The following HEATR5B variants were observed in gnomAD, a reference collection of about 807,000 sequenced individuals.
The protein encoded by HEATR5B is HEAT repeat-containing protein 5B.
Under a neutral mutation model 224.1 loss-of-function variants are expected in HEATR5B, and 156 were observed. The ratio of observed to expected loss-of-function variants is 0.70; its 90% CI spans 0.61 to 0.80. The LOEUF is 0.80. HEATR5B is among the 30% of genes least tolerant of loss of function. HEATR5B has a pLI of 0.00. For synonymous variants in HEATR5B, 1,027 were observed against 893.0 expected, an observed-to-expected ratio of 1.15 and a Z score of -2.68; for missense variants, 2,323 against 2,535.5, an observed-to-expected ratio of 0.92 and a Z score of 1.80.
chr2:37,032,814 G>C, intron 21 of HEATR5B, 41 bp from the exon 22 acceptor site: 2 of 1,563,876 alleles, frequency 1.3e-6, no homozygotes, highest in Non-Finnish European at 8.7e-7. Flanking sequence ...TCTTTAAAAA[G>C]CTGTAATTCT....
intron 20 of HEATR5B, among the ~76,000 whole-genome samples, chr2:37,039,797 G>A (rs1057515026): frequency 3.3e-5 from 5 of 152,110 alleles, no homozygotes; most frequent in Non-Finnish European, 7.4e-5. Flanking sequence ...TACAAACATA[G>A]GCTTTAGGAT....
intron 35 of HEATR5B, among the ~76,000 whole-genome samples, chr2:36,982,047 G>T (rs1342348416): frequency 6.7e-6 from 1 of 150,104 alleles, no homozygotes; most frequent in African/African-American, 2.4e-5. Context: ...AGGGCCAAAG[G>T]TTAAAAAGTA....
chr2:37,017,895 A>C (rs1185495268), intron 26 of HEATR5B, among the ~76,000 whole-genome samples: 2 of 152,156 alleles, frequency 1.3e-5, no homozygotes, highest in African/African-American at 4.8e-5. Flanking sequence ...CATTATGTTC[A>C]TGATCTGACC....
intron 35 of HEATR5B, among the ~76,000 whole-genome samples, chr2:36,988,312 G>A (rs981173071): frequency 2.0e-5 from 3 of 151,822 alleles, no homozygotes; most frequent in Non-Finnish European, 2.9e-5. Flanking sequence ...TGCCAGGCTG[G>A]AGTGCGCTGG....
At chr2:37,040,198 G>A in intron 20 of HEATR5B, 131 bp downstream of exon 20, 2 of 704,734 alleles carry the variant, frequency 2.8e-6, no homozygotes, top group Admixed American at 6.7e-5. Context: ...CAGGCTTTCA[G>A]TAAATCCAAG....
chr2:37,052,091 G>A lies in HEATR5B; in HGVS notation c.2505+1411C>T, dbSNP rs376768079. ...CCTATATATATCCTTTTTCCCTGATGTTTACAAAATATGACTTAAGCATGA... is the reference window on the plus strand; with the variant it reads ...CCTATATATATCCTTTTTCCCTGATATTTACAAAATATGACTTAAGCATGA... On this transcript the variant is annotated intron_variant, in intron 17 of 35. Coordinates refer to ENST00000233099, the MANE Select transcript of HEATR5B (RefSeq NM_019024.3). 8.5e-5 allele frequency among the ~76,000 whole-genome samples: 13 copies of A among 152,250 alleles called. No homozygotes were observed. In the South Asian group the frequency reaches 2.7e-3, roughly 32 times the overall value.
At chr2:37,063,299 C>CTT (rs1299648985) in intron 10 of HEATR5B, among the ~76,000 whole-genome samples, 1 of 151,914 alleles carries the variant, frequency 6.6e-6, no homozygotes, top group Admixed American at 6.6e-5. Flanking sequence ...AGATGAAACT[C>CTT]TAAGAGGTTA....
intron 22 of HEATR5B, among the ~76,000 whole-genome samples, chr2:37,029,210 A>T (rs904596501): frequency 6.6e-6 from 1 of 152,252 alleles, no homozygotes; most frequent in African/African-American, 2.4e-5. Flanking sequence ...TGTGGGACAG[A>T]GATATACTGC....
intron 35 of HEATR5B, among the ~76,000 whole-genome samples, chr2:36,982,960 G>GT (rs1377634949): frequency 4.0e-5 from 6 of 149,878 alleles, no homozygotes; most frequent in Non-Finnish European, 5.9e-5. Flanking sequence ...TACCAGAAAT[G>GT]TAAGCTCCAT....
At chr2:37,006,820 GA>G (rs1451336950) in intron 29 of HEATR5B, among the ~76,000 whole-genome samples, 1 of 152,060 alleles carries the variant, frequency 6.6e-6, no homozygotes, top group East Asian at 1.9e-4. Context: ...AAAATTGTTC[GA>G]TATTGCTGTG....
Position 37,064,846 on chromosome 2 carries a change from T to C in HEATR5B, c.1478A>G (p.Asn493Ser), listed in dbSNP as rs1384525651. 3 of 1,614,018 alleles carry C rather than the reference T, an allele frequency of 1.9e-6. No individual in the cohort carries two copies. Among genetic ancestry groups the C allele is most frequent in the African/African-American group, 2.7e-5 (2 of 74,912 alleles). ...FLDRCAERLNNLKTSPEAVSG... is the reference protein window; with the variant it reads ...FLDRCAERLNSLKTSPEAVSG... Reference sequence around the variant, plus strand: ...GACAGCTTCTGGTGAGGTCTTCAAGTTGTTGAGCCGTTCTGCACACCTGTC... The same window carrying C: ...GACAGCTTCTGGTGAGGTCTTCAAGCTGTTGAGCCGTTCTGCACACCTGTC... Residue 493 changes from asparagine to serine, a missense_variant, in exon 10 of 36, where the codon AAC becomes AGC. Physicochemically the swap from Asn to Ser is conservative, Grantham distance 46. Around this residue, in one of 12 missense-constraint regions of HEATR5B, gnomAD observed 502 missense variants for 517.8 expected, o/e 0.97. Coordinates refer to ENST00000233099, the MANE Select transcript of HEATR5B (RefSeq NM_019024.3).
chr2:37,053,457 TA>T, intron 17 of HEATR5B, 44 bp downstream of exon 17: 1 of 1,079,388 alleles, frequency 9.3e-7, no homozygotes, highest in East Asian at 2.5e-5. Context: ...TTAAATGCAT[TA>T]ATTAAAAACT....
In HEATR5B at chr2:37,008,665, C is replaced by A. The variant is rs1558724244; in HGVS notation, c.4468G>T (p.Asp1490Tyr). The A allele has an allele frequency of 6.2e-7, 1 of 1,614,162 alleles. No homozygotes were observed. The highest frequency in any genetic ancestry group is 1.1e-5 in the South Asian group (1 of 91,084). The change falls in exon 28 of 36, where the codon GAT (aspartate) becomes TAT (tyrosine). Residue 1490 changes from aspartate to tyrosine, a missense_variant. Coordinates refer to ENST00000233099, the MANE Select transcript of HEATR5B (RefSeq NM_019024.3). ...LSRLWLAALKDYALLTLPAEF... is the reference protein window; with the variant it reads ...LSRLWLAALKYYALLTLPAEF... ...GCTGGTAAAGTCAAGAGTGCATAAT[C>A]TTTTAATGCTGCTAACCACAGGCGA... is the stretch of plus-strand genomic sequence containing the variant.
At chr2:37,005,520 A>G (rs1000241044) in intron 30 of HEATR5B, 112 bp downstream of exon 30, 5 of 929,006 alleles carry the variant, frequency 5.4e-6, no homozygotes, top group Non-Finnish European at 8.4e-6. Context: ...CAGTGTATTC[A>G]TATCATGTTA....
At chr2:36,994,921 T>C (rs1266986891) in intron 33 of HEATR5B, among the ~76,000 whole-genome samples, 3 of 151,450 alleles carry the variant, frequency 2.0e-5, no homozygotes, top group Admixed American at 6.6e-5. Context: ...TGGCTAATTT[T>C]TTGTATTTTT....
intron 18 of HEATR5B, among the ~76,000 whole-genome samples, 198 bp from the exon 19 acceptor site, chr2:37,041,490 T>C (rs1463881144): frequency 6.6e-6 from 1 of 152,204 alleles, no homozygotes; most frequent in Non-Finnish European, 1.5e-5. Flanking sequence ...CTCATGCCTG[T>C]AATCCCAGCA....
chr2:37,046,819 G>A (rs1326335214), intron 18 of HEATR5B, among the ~76,000 whole-genome samples: 4 of 151,648 alleles, frequency 2.6e-5, no homozygotes, highest in Admixed American at 6.6e-5. Context: ...GGAGGCCGAG[G>A]CAGGTTGATC....
chr2:36,993,686 A>G (rs1305038380), intron 33 of HEATR5B, among the ~76,000 whole-genome samples: 1 of 152,220 alleles, frequency 6.6e-6, no homozygotes, highest in Non-Finnish European at 1.5e-5. Flanking sequence ...ACTTCTTAAC[A>G]AAGTTATTAA....
In HEATR5B at chr2:37,049,829, G is replaced by C; in HGVS notation, c.2520C>G (p.Asn840Lys). 1 of 1,105,514 alleles carries C rather than the reference G, an allele frequency of 9.0e-7. No homozygotes were observed. Among genetic ancestry groups the C allele is most frequent in the Non-Finnish European group, 1.2e-6 (1 of 831,062 alleles). The allele number at this position is 1,105,514 out of a possible 1,614,324, so 68.5% of individuals were successfully genotyped here. A position where few individuals can be genotyped will look rare whatever the true frequency, so the allele number is the denominator to read the frequency against. Reference protein sequence around the residue: ...VLSALKGLAENKSTLGPEEVR... With the variant: ...VLSALKGLAEKKSTLGPEEVR... ...CTTCCTCAGGTCCTAAAGTACTTTT[G>C]TTTTCAGCTAAGCCCTACATTAAAA... is the stretch of plus-strand genomic sequence containing the variant. The change falls in exon 18 of 36, where the codon AAC (asparagine) becomes AAG (lysine). Residue 840 changes from asparagine (N) to lysine (K), a missense_variant. Around this residue, in one of 12 missense-constraint regions of HEATR5B, gnomAD observed 170 missense variants for 216.7 expected, o/e 0.78. Coordinates refer to ENST00000233099, the MANE Select transcript of HEATR5B (RefSeq NM_019024.3).
Sources: gnomAD v4.1 joint callset for allele counts (sites outside exome capture counted in the v4.1 genomes callset) on GRCh38, gnomAD v4.1.1 for gene constraint, gnomAD v4.1.1 regional missense constraint, MANE v1.5 for transcripts, NCBI Gene and HGNC (gene_info 2026-07-23, HGNC 2026-07-21) for gene names.